FANK1: variants seen among roughly 807,000 people sequenced by gnomAD.
The protein encoded by FANK1 is fibronectin type 3 and ankyrin repeat domains protein 1.
FANK1 carries 44 observed loss-of-function variants against 45.3 expected under a neutral mutation model. The observed-to-expected ratio is 0.97, with a 90% CI of 0.76 to 1.25. The LOEUF (loss-of-function observed/expected upper bound fraction) is 1.25, where lower values mean the gene tolerates loss of function less well. Among genes scored for constraint, FANK1 ranks in the 50% most tolerant of loss-of-function variants. The pLI, the probability that FANK1 is intolerant of heterozygous loss-of-function variation, is 0.00. For synonymous variants in FANK1, 149 were observed against 152.5 expected, an observed-to-expected ratio of 0.98 and a Z score of 0.17; for missense variants, 391 against 424.4, an observed-to-expected ratio of 0.92 and a Z score of 0.69.
At chr10:125,994,586 T>C in intron 3 of FANK1, 2 of 985,422 alleles carry the variant, frequency 2.0e-6, no homozygotes, top group Non-Finnish European at 2.4e-6. Flanking sequence ...TCAGGTGCTA[T>C]TCGAAGTGCT....
At position 125,995,465 on chromosome 10, in the gene FANK1, AT is replaced by A. The variant is rs954997862; in HGVS notation, c.366del (p.Asp122GlufsTer27). ...EHLHRAVSVN[D>X]EDLLVRILQG... ...TTGCACCGGGCTGTCAGTGTGAATG[AT>A]GAAGATTTGCTGGTCCGAATACTTC... On this transcript the variant is annotated frameshift_variant, in exon 4 of 11. Coordinates refer to ENST00000368693, the MANE Select transcript of FANK1 (RefSeq NM_145235.5). LOFTEE classifies it high-confidence loss of function. 1 of 1,614,080 alleles carries A rather than the reference AT, an allele frequency of 6.2e-7. No homozygotes were observed. The highest frequency in any genetic ancestry group is 1.3e-5 in the African/African-American group (1 of 74,922).
At chr10:126,002,942 A>G (rs1444930018) in intron 6 of FANK1, among the ~76,000 whole-genome samples, 1 of 151,946 alleles carries the variant, frequency 6.6e-6, no homozygotes, top group African/African-American at 2.4e-5. Flanking sequence ...TCACTGATAC[A>G]CAACCACCCT....
chr10:125,998,881 C>A (rs1305051369), intron 6 of FANK1, among the ~76,000 whole-genome samples: 1 of 152,180 alleles, frequency 6.6e-6, no homozygotes, highest in African/African-American at 2.4e-5. Context: ...ACTATTCGAC[C>A]AGTGAACCTG....
Position 126,009,446 on chromosome 10 carries a change from A to C in FANK1, c.*8A>C. 1 of 1,612,858 alleles carries C rather than the reference A, an allele frequency of 6.2e-7. No homozygotes were observed. The highest frequency in any genetic ancestry group is 8.5e-7 in the Non-Finnish European group (1 of 1,179,648). On this transcript the variant is annotated 3_prime_UTR_variant, in exon 11 of 11. Coordinates refer to ENST00000368693, the MANE Select transcript of FANK1 (RefSeq NM_145235.5). ...AAGTCTTGTGTCTGCTGATGAGAGC[A>C]CCACTCATCTGCGAAACGCACGTAA...
At chr10:125,968,015 AC>A (rs1425388913) in intron 1 of FANK1, among the ~76,000 whole-genome samples, 1 of 152,136 alleles carries the variant, frequency 6.6e-6, no homozygotes, top group East Asian at 1.9e-4. Context: ...GAATATTATT[AC>A]CATTACATGT....
At chr10:125,981,239 G>GGC (rs1951188995) in intron 2 of FANK1, among the ~76,000 whole-genome samples, 1 of 152,088 alleles carries the variant, frequency 6.6e-6, no homozygotes, top group African/African-American at 2.4e-5. Flanking sequence ...CAGGCATGGT[G>GGC]GCTCATGCCT....
chr10:125,920,233 A>G (rs1946849364), intron 1 of FANK1, among the ~76,000 whole-genome samples: 1 of 152,230 alleles, frequency 6.6e-6, no homozygotes. Flanking sequence ...TTTGGCCTGT[A>G]CATGTTGCTT....
chr10:126,006,836 G>A (rs1953254054), intron 7 of FANK1, among the ~76,000 whole-genome samples: 2 of 152,146 alleles, frequency 1.3e-5, no homozygotes, highest in Non-Finnish European at 2.9e-5. Context: ...CTCCAGCCTG[G>A]GTGACAGAGT....
chr10:125,923,703 T>C (rs1191419268), intron 1 of FANK1, among the ~76,000 whole-genome samples: 1 of 151,826 alleles, frequency 6.6e-6, no homozygotes, highest in Admixed American at 6.6e-5. Context: ...AATTTTTGTA[T>C]TTTTGGTAGA....
chr10:125,975,914 AC>A (rs1950825236), intron 1 of FANK1, among the ~76,000 whole-genome samples: 2 of 152,288 alleles, frequency 1.3e-5, no homozygotes, highest in African/African-American at 4.8e-5. Context: ...TGGTTGCTTT[AC>A]AGTGACACTA....
chr10:125,906,515 C>CAAAAAAAAAATAAAAAAAAAAAA (rs1945533317), intron 1 of FANK1, among the ~76,000 whole-genome samples: 1 of 46,410 alleles, frequency 2.2e-5, no homozygotes, highest in South Asian at 5.4e-4. Context: ...GACTCTGTCT[C>CAAAAAAAAAATAAAAAAAAAAAA]AAAAAAAAAA....
chr10:125,971,844 G>C (rs574098284), intron 1 of FANK1, among the ~76,000 whole-genome samples: 63 of 152,164 alleles, frequency 4.1e-4, no homozygotes, highest in South Asian at 6.2e-4. Flanking sequence ...GGATGGTCTC[G>C]ATCTCGTGAC....
intron 4 of FANK1, among the ~76,000 whole-genome samples, chr10:125,996,001 G>A (rs968512858): frequency 1.3e-5 from 2 of 152,218 alleles, no homozygotes; most frequent in African/African-American, 4.8e-5. Flanking sequence ...ATAGTTTTGA[G>A]TGCCCTAGAA....
intron 1 of FANK1, among the ~76,000 whole-genome samples, chr10:125,913,842 G>A (rs1946231031): frequency 6.6e-6 from 1 of 152,126 alleles, no homozygotes; most frequent in Non-Finnish European, 1.5e-5. Context: ...CTACCTTCGT[G>A]CCCGGCCTGT....
chr10:125,946,093 C>T (rs1334362540), intron 1 of FANK1, among the ~76,000 whole-genome samples: 3 of 152,100 alleles, frequency 2.0e-5, no homozygotes, highest in Admixed American at 6.5e-5. Flanking sequence ...ACATCCACAT[C>T]GAAAACCCAT....
intron 1 of FANK1, among the ~76,000 whole-genome samples, chr10:125,908,951 G>A (rs75897999): frequency 1.4e-5 from 2 of 147,762 alleles, no homozygotes; most frequent in Admixed American, 1.3e-4. Flanking sequence ...AAATGCTTTA[G>A]CTGGGTGGTT....
At chr10:126,008,610 C>G in intron 8 of FANK1, 60 bp downstream of exon 8, 1 of 1,544,800 alleles carries the variant, frequency 6.5e-7, no homozygotes. Context: ...AGAGCTTTTT[C>G]TGTAATTAGA....
chr10:125,918,919 T>G (rs1339737572), intron 1 of FANK1, among the ~76,000 whole-genome samples: 1 of 151,978 alleles, frequency 6.6e-6, no homozygotes, highest in African/African-American at 2.4e-5. Flanking sequence ...TACGTTTGAA[T>G]AGAGACCAAC....
intron 1 of FANK1, among the ~76,000 whole-genome samples, chr10:125,906,701 A>G (rs190502293): frequency 1.4e-3 from 209 of 152,192 alleles, no homozygotes; most frequent in African/African-American, 4.8e-3. Context: ...ATTTAAATTT[A>G]TAGAATTCTT....
Sources: gnomAD v4.1 joint callset for allele counts (sites outside exome capture counted in the v4.1 genomes callset) on GRCh38, gnomAD v4.1.1 for gene constraint, MANE v1.5 for transcripts, NCBI Gene and HGNC (gene_info 2026-07-23, HGNC 2026-07-21) for gene names.